VPS13B: variants seen among roughly 807,000 people sequenced by gnomAD.
VPS13B encodes intermembrane lipid transfer protein VPS13B.
In VPS13B, 285 loss-of-function variants were observed where a neutral mutation model predicts 426.4. That is an observed-to-expected ratio of 0.67 (90% confidence interval 0.61 to 0.74). The LOEUF (loss-of-function observed/expected upper bound fraction) is 0.74, where lower values mean the gene tolerates loss of function less well. Among genes scored for constraint, VPS13B ranks in the 30% least tolerant of loss-of-function variants. The pLI is 0.00. For missense variants in VPS13B, 4,537 were observed against 4,782.6 expected, an observed-to-expected ratio of 0.95 and a Z score of 1.51; for synonymous variants, 1,676 against 1,676.4, an observed-to-expected ratio of 1.00 and a Z score of 0.01.
chr8:99,351,561 C>G (rs16897302), intron 19 of VPS13B, among the ~76,000 whole-genome samples: 11,182 of 151,906 alleles, frequency 0.074, 501 homozygotes, highest in African/African-American at 0.12. Context: ...ACTGGCTGAG[C>G]TTTCTTGACA....
chr8:99,096,835 A>G (rs779455221), intron 4 of VPS13B, among the ~76,000 whole-genome samples: 11 of 152,016 alleles, frequency 7.2e-5, no homozygotes, highest in African/African-American at 1.4e-4. Context: ...CTTTTAAGCT[A>G]TATGTGCATA....
intron 33 of VPS13B, among the ~76,000 whole-genome samples, chr8:99,586,898 T>C (rs1826330675): frequency 6.6e-6 from 1 of 152,192 alleles, no homozygotes; most frequent in Non-Finnish European, 1.5e-5. Flanking sequence ...TACATATGTA[T>C]ACATGTGCCG....
At chr8:99,675,591 A>G (rs1178493789) in intron 35 of VPS13B, among the ~76,000 whole-genome samples, 1 of 151,876 alleles carries the variant, frequency 6.6e-6, no homozygotes, top group Non-Finnish European at 1.5e-5. Flanking sequence ...CCAAGAATTT[A>G]CCCTTTTGAT....
At chr8:99,014,692 CA>C (rs574786628) in intron 2 of VPS13B, among the ~76,000 whole-genome samples, 10,690 of 61,290 alleles carry the variant, frequency 0.17, 552 homozygotes, top group African/African-American at 0.26. Context: ...GAAAAAAAGA[CA>C]AAAAAAAAAA....
At chr8:99,327,754 G>A (rs1470144301) in intron 19 of VPS13B, among the ~76,000 whole-genome samples, 1 of 152,098 alleles carries the variant, frequency 6.6e-6, no homozygotes, top group Non-Finnish European at 1.5e-5. Context: ...TGTTTCATAA[G>A]CTACTTTGGT....
At position 99,627,059 on chromosome 8, in the gene VPS13B, A is replaced by G. The variant is rs541479275; in HGVS notation, c.5221-14752A>G. Among the ~76,000 whole-genome samples, 93 of 152,312 alleles carry G rather than the reference A, an allele frequency of 6.1e-4. 3 individuals are homozygous for G. Among genetic ancestry groups the G allele is most frequent in the Admixed American group, 2.6e-4 (4 of 15,298 alleles). On this transcript the variant is annotated intron_variant, in intron 33 of 61. Transcript: ENST00000357162. ...CGATCTCACATGTGAAATCTAAAAA[A>G]GTTGAACTCACAGAAGTAGAAAGTA... is the stretch of plus-strand genomic sequence containing the variant.
intron 36 of VPS13B, among the ~76,000 whole-genome samples, chr8:99,714,144 A>C (rs1221653311): frequency 6.6e-6 from 1 of 151,750 alleles, no homozygotes. Context: ...GTCTCAAAAA[A>C]AAAAAAAAAA....
At chr8:99,512,854 A>G (rs1821864799) in intron 29 of VPS13B, among the ~76,000 whole-genome samples, 1 of 152,112 alleles carries the variant, frequency 6.6e-6, no homozygotes, top group Admixed American at 6.5e-5. Context: ...CTAAAAATAC[A>G]AAAAATTAGC....
intron 3 of VPS13B, among the ~76,000 whole-genome samples, chr8:99,059,371 C>T (rs1329323217): frequency 2.0e-5 from 3 of 152,158 alleles, no homozygotes; most frequent in South Asian, 2.1e-4. Flanking sequence ...GACGGGGTTT[C>T]GCCATGTTGG....
chr8:99,279,926 T>A (rs929866019), intron 19 of VPS13B, among the ~76,000 whole-genome samples: 1 of 152,148 alleles, frequency 6.6e-6, no homozygotes, highest in Non-Finnish European at 1.5e-5. Context: ...CCTGTTACCA[T>A]GCCCGGCTAA....
At chr8:99,746,881 C>A (rs1366155356) in intron 39 of VPS13B, among the ~76,000 whole-genome samples, 1 of 152,014 alleles carries the variant, frequency 6.6e-6, no homozygotes, top group Admixed American at 6.6e-5. Flanking sequence ...ACCATTGGAG[C>A]CTAGCAAATA....
At chr8:99,660,749 A>C (rs191712571) in intron 34 of VPS13B, among the ~76,000 whole-genome samples, 3 of 152,190 alleles carry the variant, frequency 2.0e-5, no homozygotes, top group Non-Finnish European at 2.9e-5. Flanking sequence ...AAAAAGTCTA[A>C]ACAGAAAAAA....
Position 99,100,526 on chromosome 8 carries a change from A to G in VPS13B, c.413-2427A>G, listed in dbSNP as rs1004429038. Among the ~76,000 whole-genome samples the G allele has an allele frequency of 3.8e-4, 57 of 151,980 alleles. 2 individuals carry two copies. Among genetic ancestry groups the G allele is most frequent in the Admixed American group, 3.7e-3 (56 of 15,238 alleles). On this transcript the variant is annotated intron_variant, in intron 4 of 61. Transcript: ENST00000357162. Reference sequence around the variant, plus strand: ...GCTGATCTCGAACCCCTGAGCTCAAATGATCTGTCTGCTTCGGCCTCCCAA... The same window carrying G: ...GCTGATCTCGAACCCCTGAGCTCAAGTGATCTGTCTGCTTCGGCCTCCCAA...
intron 3 of VPS13B, among the ~76,000 whole-genome samples, chr8:99,064,556 G>A (rs2132310200): frequency 6.6e-6 from 1 of 152,292 alleles, no homozygotes; most frequent in Non-Finnish European, 1.5e-5. Flanking sequence ...GAAGTTTAGA[G>A]AAACAAGAGT....
At chr8:99,424,895 C>T (rs1207769750) in intron 21 of VPS13B, among the ~76,000 whole-genome samples, 2 of 152,160 alleles carry the variant, frequency 1.3e-5, no homozygotes, top group Admixed American at 6.5e-5. Flanking sequence ...CACCACCGAT[C>T]CCACAGAAAT....
intron 19 of VPS13B, among the ~76,000 whole-genome samples, chr8:99,275,885 T>TG (rs1280075182): frequency 2.0e-5 from 3 of 152,146 alleles, no homozygotes; most frequent in Non-Finnish European, 4.4e-5. Context: ...AGCCAGTATG[T>TG]GGTTAGCAAA....
At chr8:99,336,657 A>G (rs896427525) in intron 19 of VPS13B, among the ~76,000 whole-genome samples, 1 of 152,210 alleles carries the variant, frequency 6.6e-6, no homozygotes, top group Admixed American at 6.5e-5. Flanking sequence ...AACTCAAACA[A>G]ATTTACAAGA....
intron 27 of VPS13B, among the ~76,000 whole-genome samples, chr8:99,503,157 G>C (rs1278309491): frequency 2.0e-5 from 3 of 152,186 alleles, no homozygotes; most frequent in African/African-American, 7.2e-5. Flanking sequence ...GTTTCTCAGT[G>C]TATATAAAGT....
At chr8:99,057,896 G>A (rs936735844) in intron 3 of VPS13B, among the ~76,000 whole-genome samples, 8 of 151,922 alleles carry the variant, frequency 5.3e-5, no homozygotes, top group South Asian at 2.1e-4. Flanking sequence ...TTGGTACTTC[G>A]AATCATTTTT....
Sources: gnomAD v4.1 joint callset for allele counts (sites outside exome capture counted in the v4.1 genomes callset) on GRCh38, gnomAD v4.1.1 for gene constraint, MANE v1.5 for transcripts, NCBI Gene and HGNC (gene_info 2026-07-23, HGNC 2026-07-21) for gene names.